The following CNTN4 variants were observed in gnomAD, a reference collection of about 807,000 sequenced individuals.
CNTN4 encodes contactin-4.
In CNTN4, 77 loss-of-function variants were observed where a neutral mutation model predicts 122.5. That is an observed-to-expected ratio of 0.63 (90% confidence interval 0.52 to 0.76). The LOEUF (loss-of-function observed/expected upper bound fraction) is 0.76. Ranked by LOEUF, CNTN4 falls within the 30% of genes least tolerant of loss-of-function variation. The pLI is 0.00. For missense variants in CNTN4, 1,256 were observed against 1,259.1 expected (o/e 1.00, Z 0.04); for synonymous variants, 512 against 447.0 (o/e 1.15, Z -1.83).
At chr3:2,324,027 G>C (rs948515918) in intron 2 of CNTN4, among the ~76,000 whole-genome samples, 1 of 152,180 alleles carries the variant, frequency 6.6e-6, no homozygotes, top group African/African-American at 2.4e-5. Context: ...GTTATGGGGA[G>C]CTCTCCTGTT....
intron 2 of CNTN4, among the ~76,000 whole-genome samples, chr3:2,207,128 A>G (rs752216693): frequency 4.0e-4 from 61 of 152,134 alleles, no homozygotes; most frequent in Middle Eastern, 6.8e-3. Flanking sequence ...GGTGAACTTA[A>G]TTGATAAGTG....
chr3:2,694,238 T>A (rs1368558175), intron 4 of CNTN4, among the ~76,000 whole-genome samples: 1 of 152,174 alleles, frequency 6.6e-6, no homozygotes, highest in Non-Finnish European at 1.5e-5. Flanking sequence ...CATTCCCACT[T>A]TTAAAGCCAA....
chr3:2,657,416 C>G (rs909499375), intron 4 of CNTN4, among the ~76,000 whole-genome samples: 2 of 152,054 alleles, frequency 1.3e-5, no homozygotes, highest in African/African-American at 4.8e-5. Flanking sequence ...TCCTTGTGGG[C>G]TTTTTATTCA....
intron 2 of CNTN4, among the ~76,000 whole-genome samples, chr3:2,196,529 A>G (rs527522995): frequency 5.9e-5 from 9 of 152,288 alleles, no homozygotes; most frequent in Non-Finnish European, 1.0e-4. Context: ...CATCTACTAT[A>G]GTGCTAGTCA....
chr3:2,615,680 T>C (rs998275415), intron 4 of CNTN4, among the ~76,000 whole-genome samples: 2 of 152,098 alleles, frequency 1.3e-5, no homozygotes, highest in African/African-American at 4.8e-5. Flanking sequence ...TTTAAGTAAA[T>C]GTATAGAGTT....
At chr3:2,752,916 T>C (rs932816925) in intron 6 of CNTN4, among the ~76,000 whole-genome samples, 19 of 152,202 alleles carry the variant, frequency 1.2e-4, no homozygotes, top group African/African-American at 4.6e-4. Context: ...CATAATGTCC[T>C]CCAGATTCAT....
At chr3:3,016,632 C>A (rs772387904) in intron 14 of CNTN4, among the ~76,000 whole-genome samples, 1 of 152,152 alleles carries the variant, frequency 6.6e-6, no homozygotes, top group African/African-American at 2.4e-5. Flanking sequence ...CAAGAGCATT[C>A]GAGCATCATT....
At position 2,902,908 on chromosome 3, in the gene CNTN4, C is replaced by T. The variant is rs1309213200; in HGVS notation, c.1110C>T (p.Asn370=). The T allele has an allele frequency of 1.9e-6, 3 of 1,613,680 alleles. No individual in the cohort carries two copies. The highest frequency in any genetic ancestry group is 2.2e-5 in the South Asian group (2 of 91,054). Residue 370 remains asparagine, a synonymous_variant, in exon 12 of 25, where the codon AAC becomes AAT. Coordinates refer to ENST00000418658, the MANE Select transcript of CNTN4 (RefSeq NM_175607.3). ...DRIQIEQGTL[N]ITIVNLSDAG... is the part of the protein sequence containing the mutation. ...TTCAAATTGAGCAAGGAACACTCAA[C>T]ATAACAATAGTGAACCTCTCAGATG...
intron 8 of CNTN4, among the ~76,000 whole-genome samples, chr3:2,872,927 A>C (rs1342974142): frequency 6.6e-6 from 1 of 152,108 alleles, no homozygotes; most frequent in Non-Finnish European, 1.5e-5. Flanking sequence ...CCAAGTCCTC[A>C]CTCATTTTTC....
chr3:2,440,889 A>G (rs1041714724), intron 3 of CNTN4, among the ~76,000 whole-genome samples: 39 of 142,852 alleles, frequency 2.7e-4, no homozygotes, highest in East Asian at 2.0e-3. Context: ...ATGTATATAT[A>G]TATACATGTA....
intron 2 of CNTN4, among the ~76,000 whole-genome samples, chr3:2,172,384 A>T (rs57476227): frequency 3.9e-4 from 59 of 152,136 alleles, no homozygotes; most frequent in African/African-American, 1.4e-3. Context: ...GATTTAATGG[A>T]CTTTGGGGAC....
At position 2,546,937 on chromosome 3, in the gene CNTN4, A is replaced by C. The variant is rs542459352; in HGVS notation, c.-88-24479A>C. ...GCAGGAAAATGTAAAATCATTAGGTATGATGATGATAGTAGTTAACTTTTA... is the reference window on the plus strand; with the variant it reads ...GCAGGAAAATGTAAAATCATTAGGTCTGATGATGATAGTAGTTAACTTTTA... On this transcript the variant is annotated intron_variant, in intron 3 of 24. Transcript: ENST00000418658. Among the ~76,000 whole-genome samples, 34 of 152,254 alleles carry C rather than the reference A, an allele frequency of 2.2e-4. No homozygotes were observed. In the East Asian group the frequency reaches 2.7e-3, roughly 12 times the overall value.
At chr3:2,706,945 A>C (rs1471213905) in intron 4 of CNTN4, among the ~76,000 whole-genome samples, 1 of 152,072 alleles carries the variant, frequency 6.6e-6, no homozygotes, top group Non-Finnish European at 1.5e-5. Context: ...CCAGAAGTGT[A>C]ACTGGCATGG....
chr3:2,801,603 A>T (rs1463130529), intron 6 of CNTN4, among the ~76,000 whole-genome samples: 2 of 152,150 alleles, frequency 1.3e-5, no homozygotes, highest in Non-Finnish European at 2.9e-5. Flanking sequence ...CCTGTTTTAA[A>T]ATAGCATGCT....
rs554311349 is a variant in CNTN4, at chr3:2,754,724, T to C, written c.358+9027T>C. 3.3e-5 allele frequency among the ~76,000 whole-genome samples: 5 copies of C among 151,582 alleles called. No homozygotes were observed. In the South Asian group the frequency reaches 1.0e-3, roughly 32 times the overall value. ...AGCAATCTATGAATAAAGTAACTCT[T>C]CTGCTGTTGCGGAATGAAGTGAAAA... On this transcript the variant is annotated intron_variant, in intron 6 of 24. Coordinates refer to ENST00000418658, the MANE Select transcript of CNTN4 (RefSeq NM_175607.3).
intron 3 of CNTN4, among the ~76,000 whole-genome samples, chr3:2,386,392 T>C (rs1038862491): frequency 5.3e-5 from 8 of 152,260 alleles, no homozygotes; most frequent in African/African-American, 1.9e-4. Context: ...CTGTAATCAC[T>C]TCAGACAACA....
intron 3 of CNTN4, among the ~76,000 whole-genome samples, chr3:2,524,845 A>G (rs1327409201): frequency 6.6e-6 from 1 of 152,144 alleles, no homozygotes; most frequent in Non-Finnish European, 1.5e-5. Context: ...ATAATTGTTT[A>G]GTTAACACAA....
intron 3 of CNTN4, among the ~76,000 whole-genome samples, chr3:2,407,272 A>C (rs188666764): frequency 2.0e-5 from 3 of 152,182 alleles, no homozygotes; most frequent in Admixed American, 2.0e-4. Context: ...CTTGAAACAG[A>C]GGGAAAAAAT....
intron 4 of CNTN4, among the ~76,000 whole-genome samples, chr3:2,628,569 T>C (rs1559323339): frequency 6.6e-6 from 1 of 152,344 alleles, no homozygotes; most frequent in South Asian, 2.1e-4. Context: ...CTGATTGCCA[T>C]CAGTAGGGAG....
Sources: allele counts gnomAD v4.1 joint callset (sites outside exome capture counted in the v4.1 genomes callset), GRCh38; gene constraint gnomAD v4.1.1; transcripts MANE v1.5; gene names NCBI Gene and HGNC (gene_info 2026-07-23, HGNC 2026-07-21).